IL17RD: variants seen among roughly 807,000 people sequenced by gnomAD.
IL17RD encodes the protein interleukin 17 receptor D, also known as interleukin-17 receptor D.
IL17RD carries 52 observed loss-of-function variants against 80.5 expected under a neutral mutation model. That is an observed-to-expected ratio of 0.65 (90% confidence interval 0.52 to 0.81). The LOEUF (loss-of-function observed/expected upper bound fraction) is 0.81. IL17RD is among the 40% of genes least tolerant of loss of function. The pLI is 0.00. For missense variants in IL17RD, 1,024 were observed against 955.1 expected (o/e 1.07, Z -0.95); for synonymous variants, 416 against 391.8 (o/e 1.06, Z -0.73).
At position 57,114,778 on chromosome 3, in the gene IL17RD, A is replaced by G; in HGVS notation, c.224T>C (p.Ile75Thr). 6.2e-7 allele frequency: 1 copy of G among 1,611,582 alleles called. No homozygotes were observed. The highest frequency in any genetic ancestry group is 8.5e-7 in the Non-Finnish European group (1 of 1,178,956). ...TYLNPVGKHV[I>T]ADAQNITISQ... ...GATGGTGATATTCTGGGCGTCAGCA[A>G]TCACATGCTTCCCCACTGGATTCAA... The change falls in exon 3 of 13, where the codon ATT (isoleucine) becomes ACT (threonine). Residue 75 changes from isoleucine (I) to threonine (T), a missense_variant. Coordinates refer to ENST00000296318, the MANE Select transcript of IL17RD (RefSeq NM_017563.5).
chr3:57,129,265 CACTT>C (rs1707557837), intron 1 of IL17RD, among the ~76,000 whole-genome samples: 1 of 152,188 alleles, frequency 6.6e-6, no homozygotes, highest in African/African-American at 2.4e-5. Flanking sequence ...GACTCACTCT[CACTT>C]AGCCGTGAAA....
At chr3:57,166,501 C>G (rs2060348706), upstream of IL17RD, among the ~76,000 whole-genome samples, 4 of 142,980 alleles carry the variant, frequency 2.8e-5, no homozygotes, top group African/African-American at 8.3e-5. Flanking sequence ...GACCCTGTCT[C>G]TAAAAACAAA....
intron 11 of IL17RD, among the ~76,000 whole-genome samples, chr3:57,100,106 C>G (rs1161765744): frequency 2.0e-5 from 3 of 152,196 alleles, no homozygotes; most frequent in African/African-American, 7.2e-5. Flanking sequence ...ACACTAATAA[C>G]TGGAAGAGCG....
At chr3:57,119,653 GTTTCACACAGATTCACCTTGTGTGAA>G (rs67346239) in intron 2 of IL17RD, among the ~76,000 whole-genome samples, 2,838 of 151,850 alleles carry the variant, frequency 0.019, 81 homozygotes, top group African/African-American at 0.065. Flanking sequence ...CTGGAACCCA[GTTTCACACAGATTCACCTTGTGTGAA>G]TTTCACACAG....
Position 57,127,375 on chromosome 3 carries a change from TATAA to T in IL17RD, c.127-7066_127-7063del, listed in dbSNP as rs1223090341. ...ATATATATAAATATAAATATATATA[TATAA>T]ATAAATAAATAAATAAATATATATA... is the stretch of plus-strand genomic sequence containing the variant. On this transcript the variant is annotated intron_variant, in intron 1 of 12. Transcript: ENST00000296318. 5.0e-4 allele frequency among the ~76,000 whole-genome samples: 38 copies of T among 75,386 alleles called. 8 individuals are homozygous for T. Among genetic ancestry groups the T allele is most frequent in the South Asian group, 1.9e-3 (5 of 2,600 alleles). The allele number at this position is 75,386 out of a possible 152,430, so 49.5% of individuals were successfully genotyped here.
intron 1 of IL17RD, chr3:57,150,277 T>A (rs1428551094): frequency 6.6e-6 from 1 of 152,218 alleles, no homozygotes; most frequent in Non-Finnish European, 1.5e-5. Flanking sequence ...CAAAGTGCTG[T>A]CTAGTCTCGC....
At chr3:57,121,432 T>C (rs1458382086) in intron 1 of IL17RD, among the ~76,000 whole-genome samples, 1 of 152,152 alleles carries the variant, frequency 6.6e-6, no homozygotes, top group Non-Finnish European at 1.5e-5. Flanking sequence ...CAGATATACA[T>C]GGGCCTTGGG....
chr3:57,105,536 CAAA>C (rs745910085), intron 7 of IL17RD, among the ~76,000 whole-genome samples: 9 of 35,608 alleles, frequency 2.5e-4, no homozygotes, highest in African/African-American at 9.0e-4. Flanking sequence ...GACTCCATCT[CAAA>C]AAAAAAAAAA....
chr3:57,164,510 C>CAGGTG (rs2060331572), intron 1 of IL17RD, among the ~76,000 whole-genome samples: 1 of 152,232 alleles, frequency 6.6e-6, no homozygotes, highest in Non-Finnish European at 1.5e-5. Context: ...ATATCCGCAA[C>CAGGTG]TCGAAGCAGG....
intron 10 of IL17RD, among the ~76,000 whole-genome samples, chr3:57,101,652 T>C (rs1706833498): frequency 6.6e-6 from 1 of 152,208 alleles, no homozygotes; most frequent in African/African-American, 2.4e-5. Context: ...GTTAGCAGAG[T>C]GCCCAGAACT....
At chr3:57,114,394 G>T (rs1018174868) in intron 3 of IL17RD, among the ~76,000 whole-genome samples, 1 of 152,106 alleles carries the variant, frequency 6.6e-6, no homozygotes, top group Non-Finnish European at 1.5e-5. Flanking sequence ...CCCTCCCACC[G>T]CTGACTAGGG....
chr3:57,105,903 T>C lies in IL17RD; in HGVS notation c.701A>G (p.Tyr234Cys). 3 of 1,613,896 alleles carry C rather than the reference T, an allele frequency of 1.9e-6. No individual in the cohort carries two copies. The highest frequency in any genetic ancestry group is 1.1e-5 in the South Asian group (1 of 91,066). ...GAAAGGTCCTTCGTGCTTGAGCTTG[T>C]AGTGAAGATAGAAGAAACGGAAGCC... ...NFGFRFFYLHYKLKHEGPFKR... is the reference protein window; with the variant it reads ...NFGFRFFYLHCKLKHEGPFKR... The change falls in exon 7 of 13, where the codon TAC (tyrosine) becomes TGC (cysteine). Residue 234 changes from tyrosine to cysteine, a missense_variant. Coordinates refer to ENST00000296318, the MANE Select transcript of IL17RD (RefSeq NM_017563.5).
In IL17RD at chr3:57,127,798, A is replaced by C. The variant is rs142610019; in HGVS notation, c.127-7485T>G. ...TGTGAGGCTTAAAACGTACAACGGG[A>C]CTAACATCTTTGTCTCTGACCAATG... On this transcript the variant is annotated intron_variant, in intron 1 of 12. Coordinates refer to ENST00000296318, the MANE Select transcript of IL17RD (RefSeq NM_017563.5). Among the ~76,000 whole-genome samples, 272 of 152,306 alleles carry C rather than the reference A, an allele frequency of 1.8e-3. 1 individual carries two copies. Among genetic ancestry groups the C allele is most frequent in the Middle Eastern group, 0.01 (3 of 294 alleles).
At chr3:57,108,534 T>C (rs1707017646) in intron 5 of IL17RD, among the ~76,000 whole-genome samples, 1 of 142,280 alleles carries the variant, frequency 7.0e-6, no homozygotes, top group Non-Finnish European at 1.5e-5. Context: ...TTTTTTTTTT[T>C]AGATGGAGGT....
intron 7 of IL17RD, among the ~76,000 whole-genome samples, chr3:57,105,552 A>AAAAAAAAAAAATATATATATATATAT: frequency 4.7e-5 from 3 of 63,588 alleles, no homozygotes; most frequent in Non-Finnish European, 8.4e-5. Flanking sequence ...AAAAAAAAAA[A>AAAAAAAAAAAATATATATATATATAT]ATATATATAT....
At chr3:57,137,217 G>A (rs1466476219) in intron 1 of IL17RD, among the ~76,000 whole-genome samples, 1 of 152,168 alleles carries the variant, frequency 6.6e-6, no homozygotes, top group Non-Finnish European at 1.5e-5. Flanking sequence ...CACATCCCTG[G>A]AAGTGACCAA....
At position 57,098,240 on chromosome 3, in the gene IL17RD, A is replaced by G. The variant is rs1267257470; in HGVS notation, c.1463T>C (p.Val488Ala). The G allele has an allele frequency of 6.2e-7, 1 of 1,613,750 alleles. No individual in the cohort carries two copies. Among genetic ancestry groups the G allele is most frequent in the Non-Finnish European group, 8.5e-7 (1 of 1,179,836 alleles). Reference protein sequence around the residue: ...VYFDYSCEGDVPGILDLSTKY... With the variant: ...VYFDYSCEGDAPGILDLSTKY... ...GGTACTCAGGTCTAGGATACCGGGG[A>G]CGTCTCCCTCGCAGGAATAATCAAA... The change falls in exon 12 of 13, where the codon GTC becomes GCC. Residue 488 changes from valine to alanine, a missense_variant. Val to Ala is a moderately conservative substitution (Grantham distance 64, BLOSUM62 0). Transcript: ENST00000296318.
intron 1 of IL17RD, among the ~76,000 whole-genome samples, chr3:57,147,934 AAAGGCAACAC>A (rs1465483013): frequency 6.6e-5 from 10 of 152,312 alleles, no homozygotes; most frequent in African/African-American, 2.4e-4. Flanking sequence ...ACCAATTTGT[AAAGGCAACAC>A]AAGGAAACTC....
At chr3:57,152,929 G>A (rs946707937) in intron 1 of IL17RD, among the ~76,000 whole-genome samples, 1 of 152,126 alleles carries the variant, frequency 6.6e-6, no homozygotes, top group Admixed American at 6.5e-5. Context: ...GCAGTCAACC[G>A]TAAACCTGCC....
Sources: gnomAD v4.1 joint callset for allele counts (sites outside exome capture counted in the v4.1 genomes callset) on GRCh38, gnomAD v4.1.1 for gene constraint, MANE v1.5 for transcripts, NCBI Gene and HGNC (gene_info 2026-07-23, HGNC 2026-07-21) for gene names.